Variants in DMC1 observed in about 807,000 individuals in gnomAD.
DMC1 encodes meiotic recombination protein DMC1 homolog.
A neutral mutation model predicts 50.1 loss-of-function variants in DMC1; 27 were observed. The ratio of observed to expected loss-of-function variants is 0.54; its 90% confidence interval spans 0.40 to 0.74. DMC1 has a LOEUF of 0.74. Among genes scored for constraint, DMC1 ranks in the 30% least tolerant of loss-of-function variants. The pLI, the probability that DMC1 is intolerant of heterozygous loss-of-function variation, is 0.00. For missense variants in DMC1, 295 were observed against 420.2 expected (o/e 0.70, Z 2.60); for synonymous variants, 148 against 136.1 (o/e 1.09, Z -0.61).
At chr22:38,515,082 G>A (rs1355605430), downstream of DMC1, among the ~76,000 whole-genome samples, 9 of 149,484 alleles carry the variant, frequency 6.0e-5, no homozygotes, top group Non-Finnish European at 1.2e-4. Flanking sequence ...TGGTCAGGCT[G>A]GTCTTGAACT....
chr22:38,553,325 C>T (rs1344926893), intron 6 of DMC1, among the ~76,000 whole-genome samples: 1 of 148,812 alleles, frequency 6.7e-6, no homozygotes, highest in Non-Finnish European at 1.5e-5. Context: ...TGTGTAACCC[C>T]ATCTCTACTA....
chr22:38,563,788 C>G (rs2090553565), intron 4 of DMC1, among the ~76,000 whole-genome samples: 2 of 151,980 alleles, frequency 1.3e-5, no homozygotes, highest in South Asian at 2.1e-4. Context: ...CAAGCTCCAC[C>G]TCCTGGGTTC....
chr22:38,551,593 G>A (rs1005979233), intron 7 of DMC1, among the ~76,000 whole-genome samples: 1 of 152,060 alleles, frequency 6.6e-6, no homozygotes, highest in Non-Finnish European at 1.5e-5. Context: ...GCCTCCCAAA[G>A]TGCTGGGATT....
At chr22:38,531,222 T>C (rs1216811190) in intron 12 of DMC1, among the ~76,000 whole-genome samples, 1 of 152,202 alleles carries the variant, frequency 6.6e-6, no homozygotes, top group African/African-American at 2.4e-5. Context: ...TGCCCCAGTG[T>C]GGGACTTTAT....
intron 4 of DMC1, among the ~76,000 whole-genome samples, chr22:38,565,523 A>G (rs11570384): frequency 6.6e-6 from 1 of 152,266 alleles, no homozygotes; most frequent in Admixed American, 6.5e-5. Flanking sequence ...GGGTATAACT[A>G]TAATGGCAAA....
intron 7 of DMC1, among the ~76,000 whole-genome samples, chr22:38,552,172 C>T (rs933758287): frequency 6.6e-6 from 1 of 152,132 alleles, no homozygotes; most frequent in African/African-American, 2.4e-5. Flanking sequence ...GAACTCCTTT[C>T]TTAACCACTT....
intron 4 of DMC1, 89 bp downstream of exon 4, chr22:38,566,501 C>T: frequency 1.4e-6 from 2 of 1,449,506 alleles, no homozygotes; most frequent in Non-Finnish European, 1.9e-6. Context: ...AACTCAGTTC[C>T]CACAATAATT....
At chr22:38,550,208 A>G (rs2090388209) in intron 7 of DMC1, among the ~76,000 whole-genome samples, 1 of 152,222 alleles carries the variant, frequency 6.6e-6, no homozygotes, top group East Asian at 1.9e-4. Flanking sequence ...TTATTCAACA[A>G]ATAATTTCAC....
Position 38,547,068 on chromosome 22 carries a change from AT to A in DMC1, c.494+2856del, listed in dbSNP as rs550481776. On this transcript the variant is annotated intron_variant, in intron 8 of 13. Transcript: ENST00000216024. ...AACTGCTGATGTACAATGTTTTTAG[AT>A]TTTTTTTCTTTTGGTAGAGACAGAG... Among the ~76,000 whole-genome samples the A allele has an allele frequency of 1.6e-4, 24 of 152,222 alleles. No individual in the cohort carries two copies. In the East Asian group the frequency reaches 4.6e-3, roughly 29 times the overall value.
intron 12 of DMC1, among the ~76,000 whole-genome samples, chr22:38,526,356 C>T (rs2090088523): frequency 6.6e-6 from 1 of 152,044 alleles, no homozygotes; most frequent in African/African-American, 2.4e-5. Context: ...ATTACAGGTA[C>T]ATGCCACCAC....
intron 2 of DMC1, 112 bp from the exon 3 acceptor site, chr22:38,567,739 C>A (rs1473207349): frequency 3.8e-6 from 3 of 793,856 alleles, no homozygotes; most frequent in Non-Finnish European, 6.5e-6. Context: ...GCCTCAAATT[C>A]CGCTTCTCTA....
At chr22:38,532,907 C>A (rs571123398) in intron 12 of DMC1, among the ~76,000 whole-genome samples, 1 of 151,988 alleles carries the variant, frequency 6.6e-6, no homozygotes. Flanking sequence ...CGTGCTTGGC[C>A]GAGGCCAGGA....
chr22:38,513,481 T>TAGCC, the DMC1 span, among the ~76,000 whole-genome samples: 1 of 152,248 alleles, frequency 6.6e-6, no homozygotes, highest in Admixed American at 6.5e-5. Flanking sequence ...GAGTCCTGAC[T>TAGCC]AGCCACACTT....
chr22:38,549,567 T>C (rs1367065023), intron 8 of DMC1: 2 of 202,520 alleles, frequency 9.9e-6, no homozygotes, highest in Admixed American at 1.2e-4. Context: ...GAGGTTGCAG[T>C]GAGCCGAGAT....
At chr22:38,567,965 G>C (rs1043351378) in intron 2 of DMC1, among the ~76,000 whole-genome samples, 1 of 152,058 alleles carries the variant, frequency 6.6e-6, no homozygotes, top group Non-Finnish European at 1.5e-5. Flanking sequence ...GCTGCTATTC[G>C]GTACCCGTGT....
At chr22:38,562,679 AAAATT>A (rs1427398501) in intron 4 of DMC1, among the ~76,000 whole-genome samples, 7 of 151,872 alleles carry the variant, frequency 4.6e-5, no homozygotes, top group Admixed American at 6.6e-5. Context: ...AGTAGCTGTG[AAAATT>A]AAATTATATA....
chr22:38,566,149 C>G (rs2090578717), intron 4 of DMC1, among the ~76,000 whole-genome samples: 1 of 151,974 alleles, frequency 6.6e-6, no homozygotes, highest in South Asian at 2.1e-4. Context: ...TGCTGTGTGC[C>G]TGTAGTCCCA....
At chr22:38,557,925 G>T (rs925520505) in intron 5 of DMC1, among the ~76,000 whole-genome samples, 1 of 136,894 alleles carries the variant, frequency 7.3e-6, no homozygotes, top group Admixed American at 7.4e-5. Context: ...GGAAGATTTT[G>T]CTGTTAATAA....
chr22:38,509,160 G>C, the DMC1 span, among the ~76,000 whole-genome samples: 2 of 152,064 alleles, frequency 1.3e-5, no homozygotes, highest in African/African-American at 4.8e-5. Context: ...CCTGGCCTTT[G>C]TCATCAACTT....
Sources: gnomAD v4.1 joint callset for allele counts (sites outside exome capture counted in the v4.1 genomes callset) on GRCh38, gnomAD v4.1.1 for gene constraint, MANE v1.5 for transcripts, NCBI Gene and HGNC (gene_info 2026-07-23, HGNC 2026-07-21) for gene names.